FCMR: variants seen among roughly 807,000 people sequenced by gnomAD.
The protein encoded by FCMR is Fc mu receptor, also known as immunoglobulin mu Fc receptor.
Under a neutral mutation model 41.6 loss-of-function variants are expected in FCMR, and 34 were observed. The observed-to-expected ratio is 0.82, with a 90% CI of 0.62 to 1.09. FCMR has a LOEUF of 1.09. Among genes scored for constraint, FCMR ranks in the 50% least tolerant of loss-of-function variants. The pLI is 0.00. For missense variants in FCMR, 496 were observed against 512.5 expected, an observed-to-expected ratio of 0.97 and a Z score of 0.31; for synonymous variants, 209 against 211.8, an observed-to-expected ratio of 0.99 and a Z score of 0.12.
chr1:206,914,131 T>A, intron 1 of FCMR, 37 bp from the exon 2 acceptor site: 1 of 1,499,864 alleles, frequency 6.7e-7, no homozygotes, highest in Non-Finnish European at 9.2e-7. Context: ...GGGAGCCCCA[T>A]CTCTAACTAT....
At chr1:206,913,167 A>G in intron 2 of FCMR, 125 bp from the exon 3 acceptor site, 1 of 743,452 alleles carries the variant, frequency 1.3e-6, no homozygotes. Flanking sequence ...CACTGAAAGA[A>G]GCAGAGAAGG....
intron 5 of FCMR, 60 bp downstream of exon 5, chr1:206,910,150 T>G: frequency 6.8e-7 from 1 of 1,481,208 alleles, no homozygotes; most frequent in Non-Finnish European, 9.0e-7. Context: ...AAAAGGGGGT[T>G]CTGAACGCTG....
At chr1:206,920,575 G>A (rs192139020) in intron 1 of FCMR, among the ~76,000 whole-genome samples, 43 of 152,190 alleles carry the variant, frequency 2.8e-4, no homozygotes, top group African/African-American at 7.9e-4. Flanking sequence ...CCTGTTGGCC[G>A]AAGGTTAGGA....
intron 1 of FCMR, among the ~76,000 whole-genome samples, chr1:206,918,744 C>T (rs1381379836): frequency 6.6e-6 from 1 of 150,678 alleles, no homozygotes; most frequent in South Asian, 2.1e-4. Context: ...TTATTATTAT[C>T]ATTAGTCAAG....
chr1:206,910,029 A>G, intron 5 of FCMR, 161 bp from the exon 6 acceptor site: 1 of 1,126,066 alleles, frequency 8.9e-7, no homozygotes, highest in Non-Finnish European at 1.2e-6. Context: ...CCCTGCCCTG[A>G]AGACCAAAGG....
chr1:206,921,811 T>C lies in FCMR; in HGVS notation c.37+7A>G. 5.0e-6 allele frequency: 8 copies of C among 1,613,952 alleles called. No homozygotes were observed. The highest frequency in any genetic ancestry group is 6.8e-6 in the Non-Finnish European group (8 of 1,179,814). On this transcript the variant is annotated splice_region_variant and intron_variant, in intron 1 of 7. Coordinates refer to ENST00000367091, the MANE Select transcript of FCMR (RefSeq NM_005449.5). ...AGAGGTCTGAAGTGTTTCCCCACGG[T>C]ACTTACCTGGCAGGAAGTAAAGTGG...
chr1:206,909,721 T>A lies in FCMR; in HGVS notation c.985+4A>T. On this transcript the variant is annotated splice_donor_region_variant and intron_variant, in intron 6 of 7. Transcript: ENST00000367091. The surrounding 1 kb of genome is among the most constrained non-coding windows in gnomAD (Gnocchi z 5.0). ...TACTCCCCGTGGCCCGCCCGGCGGC[T>A]CACCTGCAGCGTCCGCTCCACGAGC... The A allele has an allele frequency of 7.0e-7, 1 of 1,429,276 alleles. No individual in the cohort carries two copies. Among genetic ancestry groups the A allele is most frequent in the Non-Finnish European group, 9.1e-7 (1 of 1,103,250 alleles). 88.5% of individuals were successfully genotyped at this position (1,429,276 alleles called of 1,614,324 possible).
At chr1:206,913,087 C>T (rs759433646) in intron 2 of FCMR, 45 bp from the exon 3 acceptor site, 2 of 1,460,338 alleles carry the variant, frequency 1.4e-6, no homozygotes, top group Non-Finnish European at 1.9e-6. Context: ...TAGGGGGAGA[C>T]TGAGGCTTGG....
intron 1 of FCMR, chr1:206,921,551 T>C (rs1679440282): frequency 1.8e-6 from 1 of 540,888 alleles, no homozygotes; most frequent in Non-Finnish European, 3.4e-6. Context: ...CAGTGAGCCA[T>C]GATCACACCA....
chr1:206,917,332 A>G (rs1473935114), intron 1 of FCMR, among the ~76,000 whole-genome samples: 3 of 152,134 alleles, frequency 2.0e-5, no homozygotes, highest in Non-Finnish European at 4.4e-5. Context: ...TTTTATGTTT[A>G]TCAAACGGGG....
At position 206,907,190 on chromosome 1, in the gene FCMR, A is replaced by G. The variant is rs536766904; in HGVS notation, c.1045-2043T>C. Among the ~76,000 whole-genome samples the G allele has an allele frequency of 1.1e-4, 16 of 149,282 alleles. No homozygotes were observed. The South Asian group carries it at 1.9e-3, about 18-fold the overall frequency. On this transcript the variant is annotated intron_variant, in intron 7 of 7. Transcript: ENST00000367091. ...TCTCTTCTTTGTAGCCAGGCCCACGATTGACCAGCTGGGGATTAAATTTCT... is the reference window on the plus strand; with the variant it reads ...TCTCTTCTTTGTAGCCAGGCCCACGGTTGACCAGCTGGGGATTAAATTTCT...
intron 5 of FCMR, 63 bp downstream of exon 5, chr1:206,910,147 G>A (rs1678865096): frequency 6.9e-7 from 1 of 1,451,030 alleles, no homozygotes; most frequent in Admixed American, 2.7e-5. Flanking sequence ...TTCAAAAGGG[G>A]GTTCTGAACG....
chr1:206,911,884 G>T lies in FCMR; in HGVS notation c.556C>A (p.His186Asn). 1 of 1,605,928 alleles carries T rather than the reference G, an allele frequency of 6.2e-7. No individual in the cohort carries two copies. The highest frequency in any genetic ancestry group is 8.5e-7 in the Non-Finnish European group (1 of 1,177,464). ...GATGCTCTGGACACTCGAGGGCGGT[G>T]GGTGATTTGGGTGGTGGGGGAGGAG... ...HHSSPTTQIT[H>N]RPRVSRASSV... Residue 186 changes from histidine to asparagine, a missense_variant, in exon 4 of 8, where the codon CAC becomes AAC. Physicochemically the swap from His to Asn is moderately conservative, Grantham distance 68. Coordinates refer to ENST00000367091, the MANE Select transcript of FCMR (RefSeq NM_005449.5).
intron 1 of FCMR, among the ~76,000 whole-genome samples, chr1:206,920,675 A>C (rs1445427346): frequency 1.3e-5 from 2 of 152,162 alleles, no homozygotes; most frequent in African/African-American, 4.8e-5. Context: ...GAGTCATTAG[A>C]GGTTCTTGGG....
intron 1 of FCMR, chr1:206,917,877 CAA>C: frequency 2.2e-6 from 1 of 451,452 alleles, no homozygotes; most frequent in South Asian, 1.6e-5. Flanking sequence ...CTCAGCCTCC[CAA>C]AGTGTTGGGA....
chr1:206,921,532 A>G, intron 1 of FCMR: 1 of 509,814 alleles, frequency 2.0e-6, no homozygotes, highest in South Asian at 2.0e-5. Flanking sequence ...ACCCAGGAGT[A>G]CAAGACTGCA....
At chr1:206,910,726 T>G (rs1678903341) in intron 4 of FCMR, among the ~76,000 whole-genome samples, 1 of 152,234 alleles carries the variant, frequency 6.6e-6, no homozygotes, top group Non-Finnish European at 1.5e-5. Flanking sequence ...AGATATTGAC[T>G]GGGCTAGTTC....
rs1489907285 is a variant in FCMR, at chr1:206,916,729, A to G, written c.38-2635T>C. Among the ~76,000 whole-genome samples the G allele has an allele frequency of 3.9e-5, 6 of 152,350 alleles. No homozygotes were observed. In the East Asian group the frequency reaches 7.7e-4, roughly 20 times the overall value. On this transcript the variant is annotated intron_variant, in intron 1 of 7. Transcript: ENST00000367091. ...TTGAAAACAGAGAAAAGACAGATAT[A>G]AGCTACTGGTTTAGACATCTAAAGT...
chr1:206,905,283 A>C, intron 7 of FCMR, 136 bp from the exon 8 acceptor site: 1 of 918,108 alleles, frequency 1.1e-6, no homozygotes, highest in Non-Finnish European at 1.7e-6. Context: ...GAGATGGCTC[A>C]GCTCCATCAA....
Sources: allele counts gnomAD v4.1 joint callset (sites outside exome capture counted in the v4.1 genomes callset), GRCh38; gene constraint gnomAD v4.1.1; non-coding constraint Gnocchi (gnomAD v3.1); transcripts MANE v1.5; gene names NCBI Gene and HGNC (gene_info 2026-07-23, HGNC 2026-07-21).